PAPSS2: variants seen among roughly 807,000 people sequenced by gnomAD.
The protein encoded by PAPSS2 is bifunctional 3'-phosphoadenosine 5'-phosphosulfate synthase 2.
In PAPSS2, 61 loss-of-function variants were observed where a neutral mutation model predicts 66.5. The observed-to-expected ratio is 0.92, with a 90% CI of 0.75 to 1.14. The LOEUF is 1.14. PAPSS2 is among the 50% of genes most tolerant of loss of function. The pLI is 0.00. For missense variants in PAPSS2, 708 were observed against 789.6 expected (o/e 0.90, Z 1.24); for synonymous variants, 289 against 287.5 (o/e 1.01, Z -0.05).
intron 7 of PAPSS2, among the ~76,000 whole-genome samples, chr10:87,716,172 G>A (rs569772839): frequency 6.6e-6 from 1 of 152,252 alleles, no homozygotes; most frequent in Non-Finnish European, 1.5e-5. Flanking sequence ...CCACCTGCTA[G>A]GGACATTCCT....
intron 8 of PAPSS2, 59 bp from the exon 9 acceptor site, chr10:87,727,225 G>C: frequency 2.1e-6 from 3 of 1,415,094 alleles, no homozygotes; most frequent in Non-Finnish European, 3.0e-6. Context: ...TTTGATTCAT[G>C]CTTCAAGGAT....
intron 7 of PAPSS2, among the ~76,000 whole-genome samples, chr10:87,720,786 A>G (rs1321124142): frequency 6.6e-6 from 1 of 152,228 alleles, no homozygotes; most frequent in Non-Finnish European, 1.5e-5. Context: ...TTGTTAGAGT[A>G]TATGATAATT....
intron 1 of PAPSS2, among the ~76,000 whole-genome samples, chr10:87,687,790 A>G (rs1056933804): frequency 3.3e-5 from 5 of 152,282 alleles, no homozygotes; most frequent in South Asian, 4.1e-4. Context: ...CTTCATATAT[A>G]TGTACAGTTA....
At chr10:87,729,533 G>T (rs916281758) in intron 9 of PAPSS2, among the ~76,000 whole-genome samples, 1 of 151,952 alleles carries the variant, frequency 6.6e-6, no homozygotes, top group Non-Finnish European at 1.5e-5. Context: ...GGCCATTCCC[G>T]CATCTCTCTC....
intron 1 of PAPSS2, among the ~76,000 whole-genome samples, chr10:87,700,529 G>A (rs1027756714): frequency 6.6e-6 from 1 of 151,870 alleles, no homozygotes; most frequent in Admixed American, 6.6e-5. Flanking sequence ...ACAGTGGCTT[G>A]TGCCTGTAGT....
rs138611805 is a variant in PAPSS2, at chr10:87,733,837, C to A, written c.1086+6348C>A. Among the ~76,000 whole-genome samples the A allele has an allele frequency of 5.3e-3, 810 of 151,690 alleles. 6 individuals carry two copies. The highest frequency in any genetic ancestry group is 5.7e-3 in the Non-Finnish European group (386 of 67,936). ...AAACTCAACATGTTTAACCTCCCCC[C>A]AAGCCTGTTCCCCCTACTATGTCTC... On this transcript the variant is annotated intron_variant, in intron 9 of 12. Transcript: ENST00000456849.
intron 6 of PAPSS2, 47 bp from the exon 7 acceptor site, chr10:87,715,685 G>A: frequency 7.9e-7 from 1 of 1,273,350 alleles, no homozygotes; most frequent in Non-Finnish European, 1.1e-6. Flanking sequence ...CAGATGCCTG[G>A]AAAACAGAAC....
chr10:87,712,448 A>G (rs1737858439), intron 2 of PAPSS2, among the ~76,000 whole-genome samples: 1 of 152,152 alleles, frequency 6.6e-6, no homozygotes, highest in Non-Finnish European at 1.5e-5. Flanking sequence ...GGATTTGTAT[A>G]CACAACTTCC....
At chr10:87,742,715 T>TA (rs1399362839) in intron 10 of PAPSS2, among the ~76,000 whole-genome samples, 1 of 152,188 alleles carries the variant, frequency 6.6e-6, no homozygotes, top group Admixed American at 6.5e-5. Flanking sequence ...AAACATTTGT[T>TA]ACAATTATTC....
At chr10:87,701,368 CTTTCTTTCTTTCTT>C (rs1564716760) in intron 1 of PAPSS2, among the ~76,000 whole-genome samples, 4 of 99,100 alleles carry the variant, frequency 4.0e-5, no homozygotes, top group African/African-American at 1.8e-4. Context: ...TTCTTTCTTT[CTTTCTTTCTTTCTT>C]TCTTTCTTTC....
chr10:87,745,936 T>G lies in PAPSS2; in HGVS notation c.1826T>G (p.Leu609Arg). 1 of 1,614,134 alleles carries G rather than the reference T, an allele frequency of 6.2e-7. No individual in the cohort carries two copies. Among genetic ancestry groups the G allele is most frequent in the Non-Finnish European group, 8.5e-7 (1 of 1,179,982 alleles). Reference protein sequence around the residue: ...GFMAPKAWKVLTDYYRSLEKN With the variant: ...GFMAPKAWKVRTDYYRSLEKN ...ATGGCCCCCAAAGCATGGAAGGTCC[T>G]GACAGATTATTACAGGTCCCTGGAG... The change falls in exon 13 of 13, where the codon CTG becomes CGG. Residue 609 changes from leucine to arginine, a missense_variant. Transcript: ENST00000456849.
intron 1 of PAPSS2, among the ~76,000 whole-genome samples, chr10:87,683,094 C>CTTTTTTTT (rs34190865): frequency 1.5e-5 from 2 of 130,522 alleles, no homozygotes; most frequent in African/African-American, 2.9e-5. Context: ...TTTCTTTTTT[C>CTTTTTTTT]TTTTTTTTTT....
chr10:87,743,435 G>A lies in PAPSS2; in HGVS notation c.1285G>A (p.Asp429Asn). The A allele has an allele frequency of 6.2e-7, 1 of 1,614,100 alleles. No individual in the cohort carries two copies. Among genetic ancestry groups the A allele is most frequent in the Non-Finnish European group, 8.5e-7 (1 of 1,179,998 alleles). ...CAATGGCCATGCCCTGTTGATGCAGGACACTCGCCGCAGGCTCCTAGAGAG... is the reference window on the plus strand; with the variant it reads ...CAATGGCCATGCCCTGTTGATGCAGAACACTCGCCGCAGGCTCCTAGAGAG... Reference protein sequence around the residue: ...VHNGHALLMQDTRRRLLERGY... With the variant: ...VHNGHALLMQNTRRRLLERGY... Residue 429 changes from aspartate to asparagine, a missense_variant, in exon 11 of 13, where the codon GAC (aspartate) becomes AAC (asparagine). Transcript: ENST00000456849.
rs553912960 is a variant in PAPSS2, at chr10:87,735,197, G to A, written c.1087-6038G>A. ...GGACTTCTAGGCCACAAAGCCCTGG[G>A]AAATTAAGCAGAGCCTCTGGATCTC... On this transcript the variant is annotated intron_variant, in intron 9 of 12. Coordinates refer to ENST00000456849, the MANE Select transcript of PAPSS2 (RefSeq NM_001015880.2). Among the ~76,000 whole-genome samples, 3 of 152,226 alleles carry A rather than the reference G, an allele frequency of 2.0e-5. No individual in the cohort carries two copies. The East Asian group carries it at 5.8e-4, about 29-fold the overall frequency.
chr10:87,661,776 G>A (rs1852755940), intron 1 of PAPSS2, among the ~76,000 whole-genome samples: 1 of 152,176 alleles, frequency 6.6e-6, no homozygotes, highest in Non-Finnish European at 1.5e-5. Context: ...TTTTTGTTAG[G>A]TGGGTGTATG....
chr10:87,740,107 T>C (rs1290751250), intron 9 of PAPSS2, among the ~76,000 whole-genome samples: 2 of 152,206 alleles, frequency 1.3e-5, no homozygotes, highest in Non-Finnish European at 2.9e-5. Flanking sequence ...TCGGCAGATA[T>C]TTTTCAAAAT....
intron 1 of PAPSS2, among the ~76,000 whole-genome samples, chr10:87,705,014 A>T (rs1853365235): frequency 6.6e-6 from 1 of 152,218 alleles, no homozygotes; most frequent in African/African-American, 2.4e-5. Flanking sequence ...CGAAATACAC[A>T]TTTAGAATAC....
At chr10:87,678,601 T>A (rs537217896) in intron 1 of PAPSS2, among the ~76,000 whole-genome samples, 6 of 145,300 alleles carry the variant, frequency 4.1e-5, no homozygotes, top group African/African-American at 7.6e-5. Context: ...AAAAAAAAAA[T>A]TCCATTAAAA....
intron 11 of PAPSS2, 91 bp downstream of exon 11, chr10:87,743,732 G>C: frequency 7.1e-7 from 1 of 1,412,194 alleles, no homozygotes; most frequent in South Asian, 1.2e-5. Context: ...GATCCTTTCT[G>C]TTTCCTCATG....
Sources: gnomAD v4.1 joint callset for allele counts (sites outside exome capture counted in the v4.1 genomes callset) on GRCh38, gnomAD v4.1.1 for gene constraint, MANE v1.5 for transcripts, NCBI Gene and HGNC (gene_info 2026-07-23, HGNC 2026-07-21) for gene names.